Variants in PARD3B observed in about 807,000 individuals in gnomAD.
PARD3B encodes partitioning defective 3 homolog B.
PARD3B carries 103 observed loss-of-function variants against 130.2 expected under a neutral mutation model. That is an observed-to-expected ratio of 0.79 (90% CI 0.67 to 0.93). The LOEUF is 0.93. Among genes scored for constraint, PARD3B ranks in the 40% least tolerant of loss-of-function variants. The pLI is 0.00. For missense variants in PARD3B, 1,609 were observed against 1,499.2 expected (o/e 1.07, Z -1.21); for synonymous variants, 583 against 553.2 (o/e 1.05, Z -0.76).
At chr2:205,554,001 G>A (rs2052767824) in intron 22 of PARD3B, among the ~76,000 whole-genome samples, 1 of 152,160 alleles carries the variant, frequency 6.6e-6, no homozygotes, top group Non-Finnish European at 1.5e-5. Context: ...TTGAAAATGA[G>A]ATACAATTCT....
rs113876280 is a variant in PARD3B, at chr2:205,053,202, C to T, written c.504+5512C>T. On this transcript the variant is annotated intron_variant, in intron 4 of 22. Coordinates refer to ENST00000406610, the MANE Select transcript of PARD3B (RefSeq NM_001302769.2). ...ATATTGAAATTATTGTCAGTATTGCCCCTGTATTAAACTTCCTCAGACCCA... is the reference window on the plus strand; with the variant it reads ...ATATTGAAATTATTGTCAGTATTGCTCCTGTATTAAACTTCCTCAGACCCA... Among the ~76,000 whole-genome samples, 1,253 of 151,524 alleles carry T rather than the reference C, an allele frequency of 8.3e-3. 14 individuals are homozygous for T. Among genetic ancestry groups the T allele is most frequent in the African/African-American group, 0.028 (1,172 of 41,330 alleles).
At chr2:205,256,487 G>T (rs1227919566) in intron 16 of PARD3B, among the ~76,000 whole-genome samples, 1 of 152,104 alleles carries the variant, frequency 6.6e-6, no homozygotes, top group Admixed American at 6.5e-5. Context: ...ATGTATAAAT[G>T]CAAATGCACA....
intron 1 of PARD3B, among the ~76,000 whole-genome samples, chr2:204,582,962 A>G (rs1364957929): frequency 6.6e-6 from 1 of 152,082 alleles, no homozygotes; most frequent in Admixed American, 6.5e-5. Context: ...TCCTTCGCCC[A>G]CTTTTTGAAA....
At chr2:204,775,013 T>A (rs1263276198) in intron 2 of PARD3B, among the ~76,000 whole-genome samples, 4 of 152,164 alleles carry the variant, frequency 2.6e-5, no homozygotes, top group African/African-American at 9.6e-5. Context: ...AAAATGCCAA[T>A]GTACATCCTC....
intron 4 of PARD3B, among the ~76,000 whole-genome samples, chr2:205,073,824 CA>C (rs2125492761): frequency 6.6e-6 from 1 of 152,270 alleles, no homozygotes; most frequent in East Asian, 1.9e-4. Context: ...AAACCTGAAA[CA>C]TTTCCAAATA....
chr2:204,894,303 C>T (rs1233839440), intron 2 of PARD3B, among the ~76,000 whole-genome samples: 2 of 151,906 alleles, frequency 1.3e-5, no homozygotes, highest in East Asian at 1.9e-4. Context: ...GTATGTTATA[C>T]AGACATTTTC....
At chr2:204,656,737 A>AT (rs1292641525) in intron 1 of PARD3B, among the ~76,000 whole-genome samples, 1 of 152,102 alleles carries the variant, frequency 6.6e-6, no homozygotes, top group African/African-American at 2.4e-5. Flanking sequence ...CATTCTAAAT[A>AT]TTTTTTCACA....
intron 2 of PARD3B, among the ~76,000 whole-genome samples, chr2:204,876,005 G>A (rs56805920): frequency 2.0e-5 from 3 of 152,116 alleles, no homozygotes; most frequent in Non-Finnish European, 4.4e-5. Context: ...TGGCTTCTCC[G>A]AAAGCCTTTT....
At chr2:204,813,984 C>T (rs2043055909) in intron 2 of PARD3B, among the ~76,000 whole-genome samples, 1 of 151,962 alleles carries the variant, frequency 6.6e-6, no homozygotes, top group Non-Finnish European at 1.5e-5. Flanking sequence ...ATCAGCATGT[C>T]AATTTCTGCA....
rs1384031645 is a variant in PARD3B at position 205,011,195 on chromosome 2, A to G, written c.395-36386A>G. 6.6e-6 allele frequency among the ~76,000 whole-genome samples: 1 copy of G among 152,214 alleles called. No individual in the cohort carries two copies. Among genetic ancestry groups the G allele is most frequent in the Non-Finnish European group, 1.5e-5 (1 of 68,036 alleles). ...ATATATAACTTAGCAGCTTAAAATG[A>G]CAAACATTTATTACCTCATACAGAT... On this transcript the variant is annotated intron_variant, in intron 3 of 22. Coordinates refer to ENST00000406610, the MANE Select transcript of PARD3B (RefSeq NM_001302769.2). The surrounding 1 kb of genome is among the most constrained non-coding windows in gnomAD (Gnocchi z 4.1).
intron 1 of PARD3B, among the ~76,000 whole-genome samples, chr2:204,624,415 T>C (rs1465094365): frequency 1.3e-5 from 2 of 152,064 alleles, no homozygotes; most frequent in African/African-American, 4.8e-5. Flanking sequence ...TGAAAACTAC[T>C]CAAAAAATGA....
chr2:204,636,523 G>A (rs1273180332), intron 1 of PARD3B, among the ~76,000 whole-genome samples: 1 of 151,140 alleles, frequency 6.6e-6, no homozygotes, highest in Non-Finnish European at 1.5e-5. Context: ...GAAGAACAGG[G>A]TCCTTTTCTT....
chr2:205,186,413 A>G (rs566560688), intron 14 of PARD3B, among the ~76,000 whole-genome samples: 2 of 152,334 alleles, frequency 1.3e-5, no homozygotes, highest in East Asian at 3.9e-4. Flanking sequence ...GAGATTTACT[A>G]AGCATACATA....
chr2:205,430,842 A>T (rs2047308042), intron 19 of PARD3B, among the ~76,000 whole-genome samples: 1 of 152,216 alleles, frequency 6.6e-6, no homozygotes, highest in East Asian at 1.9e-4. Flanking sequence ...TTACAACCTG[A>T]TTCAAATAAA....
chr2:205,054,553 G>A (rs559434681), intron 4 of PARD3B, among the ~76,000 whole-genome samples: 14 of 147,678 alleles, frequency 9.5e-5, no homozygotes, highest in South Asian at 8.7e-4. Flanking sequence ...CCATTCACTC[G>A]TCATTTACAT....
chr2:205,594,236 C>T (rs2054490786), intron 22 of PARD3B, among the ~76,000 whole-genome samples: 1 of 152,136 alleles, frequency 6.6e-6, no homozygotes, highest in Non-Finnish European at 1.5e-5. Flanking sequence ...GGGATATGAC[C>T]CAGTGTCCGG....
At chr2:204,780,581 C>G (rs1037479248) in intron 2 of PARD3B, among the ~76,000 whole-genome samples, 6 of 152,138 alleles carry the variant, frequency 3.9e-5, no homozygotes, top group African/African-American at 1.4e-4. Flanking sequence ...GAAGCTTTCT[C>G]ACAAACAATC....
intron 2 of PARD3B, among the ~76,000 whole-genome samples, chr2:204,742,412 G>A (rs1410043267): frequency 6.6e-6 from 1 of 152,132 alleles, no homozygotes; most frequent in African/African-American, 2.4e-5. Context: ...TGTGGAGCTG[G>A]AGATCGATGG....
Position 204,889,509 on chromosome 2 carries a change from C to G in PARD3B, c.223-75643C>G, listed in dbSNP as rs367715826. On this transcript the variant is annotated intron_variant, in intron 2 of 22. Transcript: ENST00000406610. ...AGCCAACAACAACAGAACAATAAAC[C>G]AAACAAAGTAGGGGGTCCTCTTTGT... 2.6e-4 allele frequency among the ~76,000 whole-genome samples: 39 copies of G among 152,260 alleles called. 1 individual carries two copies. The highest frequency in any genetic ancestry group is 9.1e-4 in the African/African-American group (38 of 41,554).
Sources: allele counts gnomAD v4.1 joint callset (sites outside exome capture counted in the v4.1 genomes callset), GRCh38; gene constraint gnomAD v4.1.1; non-coding constraint Gnocchi (gnomAD v3.1); transcripts MANE v1.5; gene names NCBI Gene and HGNC (gene_info 2026-07-23, HGNC 2026-07-21).